The following PTPRD variants were observed in gnomAD, a reference collection of about 807,000 sequenced individuals.
PTPRD encodes receptor-type tyrosine-protein phosphatase delta.
In PTPRD, 34 loss-of-function variants were observed where a neutral mutation model predicts 214.5. That is an observed-to-expected ratio of 0.16 (90% CI 0.12 to 0.21). The LOEUF is 0.21. PTPRD is among the 10% of genes least tolerant of loss of function. PTPRD has a pLI of 1.00. For synonymous variants in PTPRD, 1,128 were observed against 845.7 expected (o/e 1.33, Z -5.79); for missense variants, 2,545 against 2,398.7 (o/e 1.06, Z -1.27).
intron 11 of PTPRD, among the ~76,000 whole-genome samples, chr9:8,964,047 G>C (rs1443765410): frequency 6.6e-6 from 1 of 151,920 alleles, no homozygotes; most frequent in African/African-American, 2.4e-5. Flanking sequence ...TTCATATCAG[G>C]GTGATGCTGG....
intron 11 of PTPRD, among the ~76,000 whole-genome samples, chr9:8,759,082 G>C (rs1404304619): frequency 6.6e-6 from 1 of 151,758 alleles, no homozygotes; most frequent in African/African-American, 2.4e-5. Flanking sequence ...CCAGGCTGGA[G>C]TACAGTGACA....
At chr9:9,711,420 G>T (rs779121502) in intron 7 of PTPRD, among the ~76,000 whole-genome samples, 2 of 151,976 alleles carry the variant, frequency 1.3e-5, no homozygotes, top group Non-Finnish European at 2.9e-5. Flanking sequence ...TATTTACTTT[G>T]TATCTATTAT....
intron 8 of PTPRD, among the ~76,000 whole-genome samples, chr9:9,443,731 C>G (rs1261608899): frequency 6.6e-6 from 1 of 152,172 alleles, no homozygotes; most frequent in Non-Finnish European, 1.5e-5. Context: ...TTCTAGTCCA[C>G]TCCAGTTCCC....
intron 2 of PTPRD, among the ~76,000 whole-genome samples, chr9:10,610,487 C>G (rs2080678197): frequency 6.6e-6 from 1 of 150,404 alleles, no homozygotes; most frequent in Non-Finnish European, 1.5e-5. Flanking sequence ...TACAATCTTC[C>G]CCTTTATTTT....
At chr9:10,430,400 G>T (rs2098666550) in intron 2 of PTPRD, among the ~76,000 whole-genome samples, 1 of 151,916 alleles carries the variant, frequency 6.6e-6, no homozygotes, top group South Asian at 2.1e-4. Context: ...CTTTACGCGT[G>T]TGAGTATGCC....
At chr9:9,881,467 T>A (rs2068660337) in intron 5 of PTPRD, among the ~76,000 whole-genome samples, 1 of 152,164 alleles carries the variant, frequency 6.6e-6, no homozygotes, top group Non-Finnish European at 1.5e-5. Context: ...CCAGGGCAGG[T>A]TACATTATTT....
At chr9:9,965,673 G>A (rs892050327) in intron 4 of PTPRD, among the ~76,000 whole-genome samples, 8 of 152,196 alleles carry the variant, frequency 5.3e-5, no homozygotes, top group African/African-American at 9.7e-5. Context: ...CCACACAGAT[G>A]TGAGTTGAAA....
chr9:8,957,389 G>C (rs1401459164), intron 11 of PTPRD, among the ~76,000 whole-genome samples: 1 of 151,246 alleles, frequency 6.6e-6, no homozygotes, highest in Non-Finnish European at 1.5e-5. Context: ...TTATAGCCTT[G>C]TCTACATTCA....
intron 10 of PTPRD, among the ~76,000 whole-genome samples, chr9:9,091,468 G>C (rs980011285): frequency 6.2e-4 from 95 of 152,214 alleles, no homozygotes; most frequent in African/African-American, 2.1e-3. Flanking sequence ...ACTTCAGTAG[G>C]CTTATAGGAA....
At chr9:8,999,503 T>G (rs1367596370) in intron 11 of PTPRD, among the ~76,000 whole-genome samples, 1 of 152,230 alleles carries the variant, frequency 6.6e-6, no homozygotes, top group South Asian at 2.1e-4. Context: ...AAACACTTAA[T>G]AGACTACAAT....
chr9:8,666,038 T>TG (rs1450820471), intron 12 of PTPRD, among the ~76,000 whole-genome samples: 2 of 137,926 alleles, frequency 1.5e-5, no homozygotes, highest in Non-Finnish European at 3.1e-5. Context: ...GTTTCATAAC[T>TG]GTTTTTTTTT....
chr9:8,852,614 G>C (rs760104362), intron 11 of PTPRD, among the ~76,000 whole-genome samples: 1 of 152,126 alleles, frequency 6.6e-6, no homozygotes, highest in African/African-American at 2.4e-5. Context: ...CTTGCCTGCT[G>C]GTATACATGA....
At chr9:9,412,733 C>T (rs1337859822) in intron 8 of PTPRD, among the ~76,000 whole-genome samples, 3 of 152,076 alleles carry the variant, frequency 2.0e-5, no homozygotes, top group African/African-American at 7.2e-5. Context: ...ATTCTCTGTT[C>T]TCATGCGCCA....
intron 14 of PTPRD, among the ~76,000 whole-genome samples, chr9:8,535,193 G>C (rs1351371793): frequency 2.6e-5 from 4 of 151,862 alleles, no homozygotes; most frequent in African/African-American, 9.7e-5. Flanking sequence ...ATATGTACTT[G>C]CTTTATTCCA....
intron 12 of PTPRD, among the ~76,000 whole-genome samples, chr9:8,673,740 A>G (rs1374543393): frequency 6.6e-6 from 1 of 152,136 alleles, no homozygotes; most frequent in East Asian, 1.9e-4. Flanking sequence ...GCTAAGGAAA[A>G]TATCTCTATT....
intron 2 of PTPRD, among the ~76,000 whole-genome samples, chr9:10,438,382 G>A (rs557668794): frequency 4.0e-5 from 6 of 151,602 alleles, no homozygotes; most frequent in East Asian, 2.0e-4. Context: ...TTTGACTTAC[G>A]ATGGGTTTAT....
chr9:9,280,115 G>A (rs1259689022), intron 9 of PTPRD, among the ~76,000 whole-genome samples: 1 of 151,214 alleles, frequency 6.6e-6, no homozygotes, highest in African/African-American at 2.4e-5. Flanking sequence ...GTATGCCCTT[G>A]CCTGGGGTCT....
At chr9:9,130,689 C>G (rs541121422) in intron 10 of PTPRD, among the ~76,000 whole-genome samples, 33 of 152,274 alleles carry the variant, frequency 2.2e-4, no homozygotes, top group African/African-American at 7.2e-4. Flanking sequence ...TTGGTTCCTA[C>G]TGACCTTCCT....
chr9:8,801,726 G>C (rs1379420553), intron 11 of PTPRD, among the ~76,000 whole-genome samples: 2 of 152,042 alleles, frequency 1.3e-5, no homozygotes, highest in Non-Finnish European at 2.9e-5. Context: ...TTTAAAAAAT[G>C]AATAAATAAA....
Sources: gnomAD v4.1 joint callset for allele counts (sites outside exome capture counted in the v4.1 genomes callset) on GRCh38, gnomAD v4.1.1 for gene constraint, MANE v1.5 for transcripts, NCBI Gene and HGNC (gene_info 2026-07-23, HGNC 2026-07-21) for gene names.